PSKH2: variants seen among roughly 807,000 people sequenced by gnomAD.
PSKH2 encodes the protein protein serine kinase H2.
In PSKH2, 16 loss-of-function variants were observed where a neutral mutation model predicts 22.5. The ratio of observed to expected loss-of-function variants is 0.71; its 90% CI spans 0.48 to 1.08. The LOEUF (loss-of-function observed/expected upper bound fraction) is 1.08. Ranked by LOEUF, PSKH2 falls within the 50% of genes least tolerant of loss-of-function variation. The pLI, the probability that PSKH2 is intolerant of heterozygous loss-of-function variation, is 0.00. For missense variants in PSKH2, 516 were observed against 492.8 expected (o/e 1.05, Z -0.44); for synonymous variants, 188 against 184.8 (o/e 1.02, Z -0.14).
In PSKH2 at chr8:86,065,779, C is replaced by A. The variant is rs532538687; in HGVS notation, c.186-1148G>T. Reference sequence around the variant, plus strand: ...TTTGAGCCTAGGAGTTTGAGAGCAGCCTGAGCAAAAAACTGAGACCCCTTC... The same window carrying A: ...TTTGAGCCTAGGAGTTTGAGAGCAGACTGAGCAAAAAACTGAGACCCCTTC... On this transcript the variant is annotated intron_variant, in intron 1 of 2. Coordinates refer to ENST00000276616, the MANE Select transcript of PSKH2 (RefSeq NM_033126.3). Among the ~76,000 whole-genome samples the A allele has an allele frequency of 2.6e-5, 4 of 152,016 alleles. No homozygotes were observed. The East Asian group carries it at 7.8e-4, about 29-fold the overall frequency.
At chr8:86,053,811 T>C (rs1191841338) in intron 2 of PSKH2, among the ~76,000 whole-genome samples, 2 of 152,002 alleles carry the variant, frequency 1.3e-5, no homozygotes, top group Admixed American at 6.6e-5. Context: ...GGAGGCCGAG[T>C]CAGGAGGATC....
At chr8:86,058,718 T>C (rs186834381) in intron 2 of PSKH2, among the ~76,000 whole-genome samples, 15 of 152,310 alleles carry the variant, frequency 9.8e-5, no homozygotes, top group African/African-American at 3.6e-4. Context: ...AGTGGAATGA[T>C]CATTGAAGAT....
chr8:86,067,792 A>G (rs182196585), intron 1 of PSKH2, among the ~76,000 whole-genome samples: 1 of 152,374 alleles, frequency 6.6e-6, no homozygotes, highest in East Asian at 1.9e-4. Flanking sequence ...AAAGTTATAG[A>G]TGGAATCACA....
At chr8:86,059,051 C>T (rs1332149562) in intron 2 of PSKH2, among the ~76,000 whole-genome samples, 9 of 152,050 alleles carry the variant, frequency 5.9e-5, no homozygotes, top group African/African-American at 2.2e-4. Flanking sequence ...GCAATCTGCC[C>T]ACCTCAGCCT....
chr8:86,067,973 A>C (rs938388260), intron 1 of PSKH2, among the ~76,000 whole-genome samples: 2 of 152,132 alleles, frequency 1.3e-5, no homozygotes, highest in Non-Finnish European at 1.5e-5. Flanking sequence ...TTTACACTCT[A>C]TGGGGCTGGG....
At chr8:86,065,061 A>G (rs1817838556) in intron 1 of PSKH2, among the ~76,000 whole-genome samples, 1 of 152,196 alleles carries the variant, frequency 6.6e-6, no homozygotes, top group South Asian at 2.1e-4. Context: ...TTTCAAATGC[A>G]TTTCACAAAA....
chr8:86,052,856 T>C (rs908525394), intron 2 of PSKH2, among the ~76,000 whole-genome samples: 75 of 152,222 alleles, frequency 4.9e-4, no homozygotes, highest in Middle Eastern at 3.2e-3. Flanking sequence ...CAGGCCTTTT[T>C]CCCCTTTTCT....
intron 2 of PSKH2, among the ~76,000 whole-genome samples, chr8:86,050,839 G>C (rs765041050): frequency 1.3e-5 from 2 of 152,150 alleles, no homozygotes; most frequent in African/African-American, 4.8e-5. Flanking sequence ...ATAAAGCAGA[G>C]TCCATACATA....
At chr8:86,069,089 A>G (rs1817907642) in intron 1 of PSKH2, among the ~76,000 whole-genome samples, 1 of 152,130 alleles carries the variant, frequency 6.6e-6, no homozygotes, top group Admixed American at 6.5e-5. Context: ...GAGCCAGTGG[A>G]AAAGAATGGG....
intron 2 of PSKH2, among the ~76,000 whole-genome samples, chr8:86,052,291 C>T (rs1457339000): frequency 6.6e-6 from 1 of 152,180 alleles, no homozygotes; most frequent in Admixed American, 6.5e-5. Context: ...CACCCCCACT[C>T]TTTGCTTCAA....
intron 2 of PSKH2, among the ~76,000 whole-genome samples, chr8:86,061,738 G>T (rs1008731754): frequency 6.6e-6 from 1 of 152,094 alleles, no homozygotes; most frequent in African/African-American, 2.4e-5. Context: ...CCAGCCATCC[G>T]CACCAAGATG....
intron 1 of PSKH2, among the ~76,000 whole-genome samples, chr8:86,065,719 T>A (rs920475343): frequency 6.6e-6 from 1 of 152,136 alleles, no homozygotes; most frequent in African/African-American, 2.4e-5. Context: ...CATCGTGTAA[T>A]CCCAGCACTT....
In PSKH2 at chr8:86,069,547, G is replaced by T. The variant is rs1262701393; in HGVS notation, c.76C>A (p.Gln26Lys). ...GGCCCCGCGCCTCCGACGCCGGCTT[G>T]GTTTTGACCTTCGTGCTTGGCCCAA... ...LAWAKHEGQN[Q>K]AGVGGAGPGP... The change falls in exon 1 of 3, where the codon CAA becomes AAA. Residue 26 changes from glutamine (Q) to lysine (K), a missense_variant. Coordinates refer to ENST00000276616, the MANE Select transcript of PSKH2 (RefSeq NM_033126.3). The T allele has an allele frequency of 6.2e-7, 1 of 1,608,432 alleles. No homozygotes were observed. Among genetic ancestry groups the T allele is most frequent in the East Asian group, 2.2e-5 (1 of 44,750 alleles).
rs1338637000 is a variant in PSKH2, at chr8:86,064,070, A to C, written c.747T>G (p.Gly249=). ...YTSAVDMWAL[G]VITYALLSGF... is the part of the protein sequence containing the mutation. ...CGCTAAGTAAAGCATATGTGATCACACCAAGAGCCCACATGTCCACTGCAC... is the reference window on the plus strand; with the variant it reads ...CGCTAAGTAAAGCATATGTGATCACCCCAAGAGCCCACATGTCCACTGCAC... Residue 249 remains glycine, a synonymous_variant, in exon 2 of 3, where the codon GGT becomes GGG. Transcript: ENST00000276616. 3 of 1,614,152 alleles carry C rather than the reference A, an allele frequency of 1.9e-6. No homozygotes were observed. Among genetic ancestry groups the C allele is most frequent in the Admixed American group, 3.3e-5 (2 of 60,026 alleles).
intron 2 of PSKH2, 37 bp from the exon 3 acceptor site, chr8:86,048,804 T>TA: frequency 6.8e-7 from 1 of 1,473,676 alleles, no homozygotes; most frequent in Non-Finnish European, 9.2e-7. Flanking sequence ...ATAAAATAAA[T>TA]AAAATGGAAA....
chr8:86,048,848 A>T, intron 2 of PSKH2, 81 bp from the exon 3 acceptor site: 1 of 1,233,658 alleles, frequency 8.1e-7, no homozygotes. Context: ...ATTCTTAATT[A>T]CATAGATCAA....
chr8:86,053,154 TTAAA>T (rs1346191892), intron 2 of PSKH2, among the ~76,000 whole-genome samples: 1 of 152,200 alleles, frequency 6.6e-6, no homozygotes, highest in Non-Finnish European at 1.5e-5. Flanking sequence ...TCCAGGCCCT[TTAAA>T]AGAGTCTGGC....
chr8:86,058,182 G>A (rs768525386), intron 2 of PSKH2, among the ~76,000 whole-genome samples: 3 of 152,158 alleles, frequency 2.0e-5, no homozygotes, highest in Non-Finnish European at 2.9e-5. Context: ...TGCACACTGG[G>A]GAGGAAATCT....
At chr8:86,048,861 C>T (rs1234816338) in intron 2 of PSKH2, 94 bp from the exon 3 acceptor site, 3 of 1,123,554 alleles carry the variant, frequency 2.7e-6, no homozygotes, top group Middle Eastern at 3.1e-4. Context: ...TAGATCAATG[C>T]CAATCGAATC....
Sources: gnomAD v4.1 joint callset for allele counts (sites outside exome capture counted in the v4.1 genomes callset) on GRCh38, gnomAD v4.1.1 for gene constraint, MANE v1.5 for transcripts, NCBI Gene and HGNC (gene_info 2026-07-23, HGNC 2026-07-21) for gene names.